ACTR3C: variants seen among roughly 807,000 people sequenced by gnomAD.
ACTR3C encodes actin-related protein 3C.
In ACTR3C, 18 loss-of-function variants were observed where a neutral mutation model predicts 26.3. The observed-to-expected ratio is 0.68, with a 90% CI of 0.47 to 1.01. The LOEUF is 1.01. Ranked by LOEUF, ACTR3C falls within the 50% of genes least tolerant of loss-of-function variation. ACTR3C has a pLI of 0.00. For synonymous variants in ACTR3C, 55 were observed against 94.5 expected (o/e 0.58, Z 2.42); for missense variants, 184 against 250.7 (o/e 0.73, Z 1.80).
rs2530988 is a variant in ACTR3C, at chr7:150,256,524, T to A, written c.565-7470A>T. Among the ~76,000 whole-genome samples, 226 of 152,330 alleles carry A rather than the reference T, an allele frequency of 1.5e-3. 2 individuals are homozygous for A. Among genetic ancestry groups the A allele is most frequent in the African/African-American group, 4.6e-3 (193 of 41,578 alleles). On this transcript the variant is annotated intron_variant, in intron 6 of 7. Transcript: ENST00000683684. Reference sequence around the variant, plus strand: ...ACAGGAACAGAAAACCAAATACCGTTTATTGTCACTTATAAGTGGGTGTGA... The same window carrying A: ...ACAGGAACAGAAAACCAAATACCGTATATTGTCACTTATAAGTGGGTGTGA...
At chr7:150,307,921 C>T (rs1382027016) in intron 1 of ACTR3C, among the ~76,000 whole-genome samples, 2 of 152,226 alleles carry the variant, frequency 1.3e-5, no homozygotes, top group Non-Finnish European at 2.9e-5. Flanking sequence ...TCAATTTCCA[C>T]GTCACCCTTC....
chr7:150,126,772 A>G, the ACTR3C span, among the ~76,000 whole-genome samples: 5 of 152,198 alleles, frequency 3.3e-5, no homozygotes, highest in Admixed American at 6.5e-5. Context: ...TTGGACCTGC[A>G]TAGGTAAGTC....
chr7:149,951,661 G>A, the ACTR3C span, among the ~76,000 whole-genome samples: 3,386 of 152,094 alleles, frequency 0.022, 48 homozygotes, highest in Non-Finnish European at 0.033. Context: ...TAGCTGTAGG[G>A]GTCTTTCTAA....
At chr7:149,905,722 G>T in the ACTR3C span, among the ~76,000 whole-genome samples, 1 of 151,626 alleles carries the variant, frequency 6.6e-6, no homozygotes, top group Non-Finnish European at 1.5e-5. Flanking sequence ...CTGAGAAATA[G>T]AAATTTTTTG....
the ACTR3C span, among the ~76,000 whole-genome samples, chr7:149,925,739 G>GA: frequency 2.0e-5 from 3 of 151,758 alleles, no homozygotes; most frequent in East Asian, 1.9e-4. Flanking sequence ...AGATTTAAAT[G>GA]AAAAAAATGA....
chr7:149,956,940 C>G, the ACTR3C span, among the ~76,000 whole-genome samples: 4 of 152,174 alleles, frequency 2.6e-5, no homozygotes, highest in African/African-American at 9.7e-5. Context: ...GCCGCTAGAA[C>G]TCAAGAGAAG....
chr7:150,109,018 A>G, the ACTR3C span, among the ~76,000 whole-genome samples: 5 of 151,992 alleles, frequency 3.3e-5, no homozygotes, highest in African/African-American at 1.2e-4. Flanking sequence ...TGCGTGCTCC[A>G]AACTGGTCCC....
At chr7:150,284,889 C>G (rs1287510499) in intron 5 of ACTR3C, 44 bp from the exon 6 acceptor site, 1 of 1,560,978 alleles carries the variant, frequency 6.4e-7, no homozygotes, top group Non-Finnish European at 8.7e-7. Context: ...ACATTTCTCT[C>G]AAATAGAACA....
At chr7:150,029,727 C>G in the ACTR3C span, among the ~76,000 whole-genome samples, 1 of 152,202 alleles carries the variant, frequency 6.6e-6, no homozygotes, top group Admixed American at 6.5e-5. Context: ...AAAAAGTCAT[C>G]TGAGGCCTAA....
At chr7:150,124,518 CT>C in the ACTR3C span, among the ~76,000 whole-genome samples, 2,378 of 152,312 alleles carry the variant, frequency 0.016, 49 homozygotes, top group African/African-American at 0.053. Flanking sequence ...ATGTATAAAG[CT>C]GTCTCAGATG....
At chr7:149,993,118 C>T in the ACTR3C span, among the ~76,000 whole-genome samples, 1 of 149,672 alleles carries the variant, frequency 6.7e-6, no homozygotes, top group Non-Finnish European at 1.5e-5. Flanking sequence ...CACTGGCAGC[C>T]GATGGGATGG....
intron 6 of ACTR3C, among the ~76,000 whole-genome samples, chr7:150,262,326 A>G (rs1833702571): frequency 6.6e-6 from 1 of 152,250 alleles, no homozygotes; most frequent in African/African-American, 2.4e-5. Flanking sequence ...AAATGAACTG[A>G]AGTTGCTGCC....
chr7:149,995,083 G>A, the ACTR3C span, among the ~76,000 whole-genome samples: 1 of 152,060 alleles, frequency 6.6e-6, no homozygotes. Flanking sequence ...TACAACTCCT[G>A]ACCTCAGGTG....
the ACTR3C span, among the ~76,000 whole-genome samples, chr7:149,990,509 C>T: frequency 4.1e-5 from 5 of 122,498 alleles, no homozygotes; most frequent in South Asian, 3.2e-4. Context: ...TCTATAAACA[C>T]GCACCAAGGA....
the ACTR3C span, among the ~76,000 whole-genome samples, chr7:150,133,992 C>G: frequency 1.3e-4 from 20 of 152,224 alleles, no homozygotes; most frequent in East Asian, 3.7e-3. Flanking sequence ...CCTGTCTCAG[C>G]CTCCCAAAGT....
intron 6 of ACTR3C, among the ~76,000 whole-genome samples, chr7:150,280,829 T>C (rs568601840): frequency 0.098 from 14,725 of 150,360 alleles, 949 homozygotes; most frequent in African/African-American, 0.17. Context: ...TATATATATA[T>C]ACACACACAC....
chr7:150,263,838 T>A lies in ACTR3C; in HGVS notation c.565-14784A>T, dbSNP rs561763884. 2.5e-3 allele frequency among the ~76,000 whole-genome samples: 377 copies of A among 152,352 alleles called. 1 individual carries two copies. Among genetic ancestry groups the A allele is most frequent in the African/African-American group, 8.6e-3 (356 of 41,590 alleles). On this transcript the variant is annotated intron_variant, in intron 6 of 7. Transcript: ENST00000683684. ...ATTCATTTCAGATTTTTCTTCTAAA[T>A]AGCAATTCTATTTGTTTCCTACACT... is the stretch of plus-strand genomic sequence containing the variant.
intron 6 of ACTR3C, among the ~76,000 whole-genome samples, chr7:150,275,330 A>G (rs1584897509): frequency 6.6e-6 from 1 of 152,252 alleles, no homozygotes; most frequent in East Asian, 1.9e-4. Context: ...CTGTTAATAC[A>G]TAGCATATGA....
chr7:150,175,410 T>C, the ACTR3C span, among the ~76,000 whole-genome samples: 218 of 144,206 alleles, frequency 1.5e-3, 6 homozygotes, highest in Non-Finnish European at 2.5e-3. Flanking sequence ...CTCCCTCTCA[T>C]TCGTATTCAC....
Sources: allele counts gnomAD v4.1 joint callset (sites outside exome capture counted in the v4.1 genomes callset), GRCh38; gene constraint gnomAD v4.1.1; transcripts MANE v1.5; gene names NCBI Gene and HGNC (gene_info 2026-07-23, HGNC 2026-07-21).